ISM1: variants seen among roughly 807,000 people sequenced by gnomAD.
The protein encoded by ISM1 is isthmin-1.
A neutral mutation model predicts 46.3 loss-of-function variants in ISM1; 25 were observed. The observed-to-expected ratio is 0.54, with a 90% CI of 0.39 to 0.75. The LOEUF (loss-of-function observed/expected upper bound fraction) is 0.75. Among genes scored for constraint, ISM1 ranks in the 30% least tolerant of loss-of-function variants. The pLI is 0.00. For synonymous variants in ISM1, 255 were observed against 256.7 expected (o/e 0.99, Z 0.06); for missense variants, 536 against 625.4 (o/e 0.86, Z 1.52).
chr20:13,276,981 T>TTAGTTC (rs1282733423), intron 2 of ISM1, among the ~76,000 whole-genome samples: 5 of 152,136 alleles, frequency 3.3e-5, no homozygotes, highest in African/African-American at 1.2e-4. Flanking sequence ...TGTTTTTGTT[T>TTAGTTC]TAGTTCAGTT....
In ISM1 at chr20:13,221,875, C is replaced by G. The variant is rs1394234119; in HGVS notation, c.99C>G (p.Pro33=). ...GCGGCTCGGGAGCCGCCGACGGGCC[C>G]GACGCGGCCGCGGGCAACGCCAGCC... ...VLRGSGAADG[P]DAAAGNASQA... is the part of the protein sequence containing the mutation. Residue 33 remains proline (P), a synonymous_variant, in exon 1 of 6, where the codon CCC becomes CCG. Transcript: ENST00000262487. The G allele has an allele frequency of 5.7e-6, 8 of 1,413,772 alleles. No homozygotes were observed. Among genetic ancestry groups the G allele is most frequent in the South Asian group, 4.5e-5 (3 of 66,630 alleles). 87.6% of individuals were successfully genotyped at this position (1,413,772 alleles called of 1,614,324 possible).
At chr20:13,267,447 C>T (rs970733881) in intron 1 of ISM1, among the ~76,000 whole-genome samples, 14 of 152,186 alleles carry the variant, frequency 9.2e-5, no homozygotes, top group Middle Eastern at 6.3e-3. Flanking sequence ...GTGACCCTAA[C>T]GCGACACTTC....
At chr20:13,287,012 G>A (rs1407340) in intron 3 of ISM1, among the ~76,000 whole-genome samples, 3 of 152,008 alleles carry the variant, frequency 2.0e-5, no homozygotes, top group East Asian at 3.9e-4. Context: ...GAGAAAGGGC[G>A]TGGTACCAGA....
At chr20:13,238,165 T>G (rs750387286) in intron 1 of ISM1, 19 of 152,172 alleles carry the variant, frequency 1.2e-4, no homozygotes, top group Non-Finnish European at 2.5e-4. Context: ...GACATTCCAT[T>G]TAATAAACAT....
intron 1 of ISM1, among the ~76,000 whole-genome samples, chr20:13,248,105 T>C (rs1346221649): frequency 1.3e-5 from 2 of 152,226 alleles, no homozygotes; most frequent in Non-Finnish European, 2.9e-5. Flanking sequence ...AGAAATGAGC[T>C]AAAGCCAGCA....
chr20:13,269,804 ATTGT>A (rs1394419789), intron 1 of ISM1, among the ~76,000 whole-genome samples: 7 of 152,084 alleles, frequency 4.6e-5, no homozygotes, highest in African/African-American at 1.4e-4. Context: ...CTATGGATTT[ATTGT>A]TTATTTCCCT....
chr20:13,254,094 A>G (rs2039899911), intron 1 of ISM1, among the ~76,000 whole-genome samples: 4 of 150,190 alleles, frequency 2.7e-5, no homozygotes, highest in Admixed American at 2.7e-4. Context: ...AACATTAGGC[A>G]TGGTGGTACA....
At chr20:13,263,086 G>A (rs897600623) in intron 1 of ISM1, among the ~76,000 whole-genome samples, 3 of 152,234 alleles carry the variant, frequency 2.0e-5, no homozygotes, top group East Asian at 1.9e-4. Context: ...TGAAGCATAC[G>A]TATGGCCGTT....
chr20:13,281,361 C>T (rs1487908347), intron 3 of ISM1, among the ~76,000 whole-genome samples: 1 of 152,182 alleles, frequency 6.6e-6, no homozygotes, highest in African/African-American at 2.4e-5. Flanking sequence ...GAAACCTTCA[C>T]CTTTCCCAAA....
chr20:13,251,433 C>T (rs915519135), intron 1 of ISM1, among the ~76,000 whole-genome samples: 28 of 152,134 alleles, frequency 1.8e-4, no homozygotes, highest in Non-Finnish European at 1.6e-4. Context: ...AAACATGCGT[C>T]GTGGAATCTC....
chr20:13,241,534 G>GCA (rs2039723320), intron 1 of ISM1, among the ~76,000 whole-genome samples: 1 of 152,076 alleles, frequency 6.6e-6, no homozygotes, highest in Non-Finnish European at 1.5e-5. Context: ...TGTAACAATT[G>GCA]GGAAGAGAAA....
chr20:13,306,564 C>CAAAAAAAAAAAA, the ISM1 span, among the ~76,000 whole-genome samples: 13 of 63,914 alleles, frequency 2.0e-4, no homozygotes, highest in African/African-American at 5.1e-4. Flanking sequence ...GGAGAAAGGA[C>CAAAAAAAAAAAA]AAAAAAAAAA....
chr20:13,271,210 C>T (rs549181938), intron 2 of ISM1, among the ~76,000 whole-genome samples: 1 of 152,290 alleles, frequency 6.6e-6, no homozygotes, highest in South Asian at 2.1e-4. Context: ...CCCCTCTAAA[C>T]TTGCCTTGGA....
the ISM1 span, among the ~76,000 whole-genome samples, chr20:13,319,006 C>T: frequency 1.3e-5 from 2 of 152,112 alleles, no homozygotes; most frequent in Non-Finnish European, 2.9e-5. Flanking sequence ...CACGAGTGAA[C>T]CCTAATGAAC....
At chr20:13,240,365 CAAGGAAGGACTTGATGGAA>C (rs891066053) in intron 1 of ISM1, among the ~76,000 whole-genome samples, 3 of 152,050 alleles carry the variant, frequency 2.0e-5, no homozygotes, top group African/African-American at 7.2e-5. Context: ...AGAGGGTGGT[CAAGGAAGGACTTGATGGAA>C]AAGTGACACT....
At chr20:13,266,288 A>G (rs2040042446) in intron 1 of ISM1, among the ~76,000 whole-genome samples, 1 of 152,228 alleles carries the variant, frequency 6.6e-6, no homozygotes, top group Non-Finnish European at 1.5e-5. Context: ...GGCTGTAAGA[A>G]GAGGATATTT....
intron 4 of ISM1, among the ~76,000 whole-genome samples, chr20:13,290,446 G>C (rs1000399486): frequency 2.0e-5 from 3 of 152,140 alleles, no homozygotes; most frequent in African/African-American, 7.2e-5. Flanking sequence ...TCAGGAGATC[G>C]AGACCATCCT....
At chr20:13,312,326 C>T in the ISM1 span, among the ~76,000 whole-genome samples, 1 of 152,110 alleles carries the variant, frequency 6.6e-6, no homozygotes, top group African/African-American at 2.4e-5. Flanking sequence ...TGTATGTGGC[C>T]GTGATGGGTT....
intron 1 of ISM1, among the ~76,000 whole-genome samples, chr20:13,234,218 G>A (rs1423973655): frequency 6.6e-6 from 1 of 152,120 alleles, no homozygotes; most frequent in Non-Finnish European, 1.5e-5. Context: ...CGTGGTATTC[G>A]ACTTTCTGTT....
Sources: allele counts gnomAD v4.1 joint callset (sites outside exome capture counted in the v4.1 genomes callset), GRCh38; gene constraint gnomAD v4.1.1; transcripts MANE v1.5; gene names NCBI Gene and HGNC (gene_info 2026-07-23, HGNC 2026-07-21).